Variants in CHST3 observed in about 807,000 individuals in gnomAD.
The protein encoded by CHST3 is C6ST-1.
In CHST3, 20 loss-of-function variants were observed where a neutral mutation model predicts 35.4. The ratio of observed to expected loss-of-function variants is 0.57; its 90% CI spans 0.40 to 0.82. CHST3 has a LOEUF of 0.82. Ranked by LOEUF, CHST3 falls within the 40% of genes least tolerant of loss-of-function variation. The pLI is 0.00. For missense variants in CHST3, 693 were observed against 670.1 expected, an observed-to-expected ratio of 1.03 and a Z score of -0.38; for synonymous variants, 334 against 295.9, an observed-to-expected ratio of 1.13 and a Z score of -1.32.
intron 1 of CHST3, among the ~76,000 whole-genome samples, chr10:71,987,612 AGGCTGAGGCAGGAGAAT>A (rs1476362080): frequency 6.7e-6 from 1 of 148,788 alleles, no homozygotes. Context: ...ACTACTCGGG[AGGCTGAGGCAGGAGAAT>A]GGCTTGAACC....
At chr10:71,965,311 C>G (rs1278121695) in intron 1 of CHST3, among the ~76,000 whole-genome samples, 1 of 152,150 alleles carries the variant, frequency 6.6e-6, no homozygotes, top group Non-Finnish European at 1.5e-5. Context: ...GGGAGTGATT[C>G]ATAAACTCAG....
At chr10:71,979,081 G>A (rs761787441) in intron 1 of CHST3, among the ~76,000 whole-genome samples, 2 of 152,068 alleles carry the variant, frequency 1.3e-5, no homozygotes, top group Admixed American at 6.6e-5. Context: ...GCCATACAGC[G>A]ATAGCGCACA....
At chr10:71,981,758 G>A (rs566416764) in intron 1 of CHST3, among the ~76,000 whole-genome samples, 3 of 152,238 alleles carry the variant, frequency 2.0e-5, no homozygotes. Flanking sequence ...AAGTAGCTGT[G>A]GGGAATAAGA....
In CHST3 at chr10:72,008,284, A is replaced by C. The variant is rs1252780163; in HGVS notation, c.1253A>C (p.Gln418Pro). 4.4e-6 allele frequency: 7 copies of C among 1,586,590 alleles called. No homozygotes were observed. The highest frequency in any genetic ancestry group is 5.1e-6 in the Non-Finnish European group (6 of 1,166,992). ...AHDGSGIYST[Q>P]KNSSEQFEKW... The stretch of plus-strand genomic sequence containing the variant: ...GACGGCAGCGGCATCTACTCCACGC[A>C]GAAGAACTCCTCGGAGCAGTTCGAG... The change falls in exon 3 of 3, where the codon CAG becomes CCG. Residue 418 changes from glutamine (Q) to proline (P), a missense_variant. Transcript: ENST00000373115.
chr10:72,008,152 T>C lies in CHST3; in HGVS notation c.1121T>C (p.Val374Ala), dbSNP rs1308918782. 15 of 1,548,538 alleles carry C rather than the reference T, an allele frequency of 9.7e-6. No individual in the cohort carries two copies. Among genetic ancestry groups the C allele is most frequent in the Non-Finnish European group, 1.3e-5 (15 of 1,146,470 alleles). ...GRYMLVRYEDVARGPLQKARE... is the reference protein window; with the variant it reads ...GRYMLVRYEDAARGPLQKARE... ...TACATGCTGGTGCGCTACGAGGACGTGGCACGCGGGCCGCTGCAGAAGGCC... is the reference window on the plus strand; with the variant it reads ...TACATGCTGGTGCGCTACGAGGACGCGGCACGCGGGCCGCTGCAGAAGGCC... Residue 374 changes from valine (V) to alanine (A), a missense_variant, in exon 3 of 3, where the codon GTG becomes GCG. Physicochemically the swap from Val to Ala is moderately conservative, Grantham distance 64 (BLOSUM62 0). Coordinates refer to ENST00000373115, the MANE Select transcript of CHST3 (RefSeq NM_004273.5).
intron 1 of CHST3, among the ~76,000 whole-genome samples, chr10:71,978,228 G>A (rs188469135): frequency 2.0e-5 from 3 of 152,166 alleles, no homozygotes; most frequent in Non-Finnish European, 2.9e-5. Flanking sequence ...TTAGCTGGAC[G>A]TGGTGGCAGG....
intron 1 of CHST3, among the ~76,000 whole-genome samples, chr10:71,990,310 G>C (rs1839885463): frequency 6.6e-6 from 1 of 152,114 alleles, no homozygotes; most frequent in Non-Finnish European, 1.5e-5. Context: ...GCACCTACCT[G>C]TGGCGTCCTT....
At chr10:71,968,676 T>C (rs1022062965) in intron 1 of CHST3, among the ~76,000 whole-genome samples, 1 of 152,138 alleles carries the variant, frequency 6.6e-6, no homozygotes, top group African/African-American at 2.4e-5. Flanking sequence ...CCAGGGCCTC[T>C]GCTTGCATTC....
intron 1 of CHST3, among the ~76,000 whole-genome samples, chr10:71,982,976 C>A (rs754246165): frequency 6.6e-6 from 1 of 152,250 alleles, no homozygotes; most frequent in Non-Finnish European, 1.5e-5. Context: ...ACACTGCCCC[C>A]TCTTGGCAGT....
At chr10:71,985,994 G>T (rs1839843873) in intron 1 of CHST3, among the ~76,000 whole-genome samples, 1 of 152,120 alleles carries the variant, frequency 6.6e-6, no homozygotes, top group African/African-American at 2.4e-5. Context: ...TTTTGTGATT[G>T]GCTGTTTTCA....
Position 72,007,696 on chromosome 10 carries a change from G to A in CHST3, c.665G>A (p.Arg222Gln), listed in dbSNP as rs1437776489. Reference sequence around the variant, plus strand: ...CACCTGACTCAGTTCATGTTCCGCCGGGGCTCCAGCCGCTCCCTGTGCGAG... The same window carrying A: ...CACCTGACTCAGTTCATGTTCCGCCAGGGCTCCAGCCGCTCCCTGTGCGAG... ...EDHLTQFMFRRGSSRSLCEDP... is the reference protein window; with the variant it reads ...EDHLTQFMFRQGSSRSLCEDP... The change falls in exon 3 of 3, where the codon CGG becomes CAG. Residue 222 changes from arginine (R) to glutamine (Q), a missense_variant. Transcript: ENST00000373115. 1.2e-6 allele frequency: 2 copies of A among 1,607,224 alleles called. No homozygotes were observed. The highest frequency in any genetic ancestry group is 2.7e-5 in the African/African-American group (2 of 74,902).
At chr10:71,997,192 C>A (rs1282152999) in intron 1 of CHST3, among the ~76,000 whole-genome samples, 1 of 152,074 alleles carries the variant, frequency 6.6e-6, no homozygotes, top group Non-Finnish European at 1.5e-5. Flanking sequence ...CGAAACTGTC[C>A]CCATTAAACA....
chr10:71,997,888 G>A (rs925535244), intron 1 of CHST3, among the ~76,000 whole-genome samples: 6 of 152,060 alleles, frequency 3.9e-5, no homozygotes, highest in Non-Finnish European at 7.4e-5. Flanking sequence ...GGCTGGTCTT[G>A]AACTCCTGAC....
At chr10:71,985,236 A>G (rs1195500765) in intron 1 of CHST3, among the ~76,000 whole-genome samples, 1 of 152,222 alleles carries the variant, frequency 6.6e-6, no homozygotes, top group East Asian at 1.9e-4. Context: ...CTGTAGCAGC[A>G]CTGCTTGGGC....
chr10:71,977,863 T>A (rs1839761636), intron 1 of CHST3, among the ~76,000 whole-genome samples: 1 of 152,112 alleles, frequency 6.6e-6, no homozygotes, highest in East Asian at 1.9e-4. Flanking sequence ...AGAGACAGGG[T>A]TTCATCATGT....
intron 1 of CHST3, among the ~76,000 whole-genome samples, chr10:71,987,609 G>A (rs139885506): frequency 1.2e-4 from 18 of 151,258 alleles, no homozygotes; most frequent in African/African-American, 2.9e-4. Flanking sequence ...CCAACTACTC[G>A]GGAGGCTGAG....
At chr10:71,970,387 G>A (rs1423506428) in intron 1 of CHST3, among the ~76,000 whole-genome samples, 1 of 152,152 alleles carries the variant, frequency 6.6e-6, no homozygotes, top group Non-Finnish European at 1.5e-5. Flanking sequence ...AAATAAACAA[G>A]CCAGTTCCCA....
At position 72,008,210 on chromosome 10, in the gene CHST3, G is replaced by A; in HGVS notation, c.1179G>A (p.Leu393=). 6.4e-7 allele frequency: 1 copy of A among 1,553,328 alleles called. No individual in the cohort carries two copies. The highest frequency in any genetic ancestry group is 8.7e-7 in the Non-Finnish European group (1 of 1,148,562). The change falls in exon 3 of 3, where the codon CTG becomes CTA. Residue 393 remains leucine (L), a synonymous_variant. Coordinates refer to ENST00000373115, the MANE Select transcript of CHST3 (RefSeq NM_004273.5). ...TGTACCGCTTCGCCGGCATCCCCCT[G>A]ACCCCGCAGGTGGAAGACTGGATCC... ...REMYRFAGIP[L]TPQVEDWIQK...
intron 1 of CHST3, among the ~76,000 whole-genome samples, chr10:71,983,269 C>G (rs1227277362): frequency 6.6e-6 from 1 of 152,194 alleles, no homozygotes; most frequent in South Asian, 2.1e-4. Flanking sequence ...ATGCAGCAAC[C>G]CAGCTCCCAT....
Sources: allele counts gnomAD v4.1 joint callset (sites outside exome capture counted in the v4.1 genomes callset), GRCh38; gene constraint gnomAD v4.1.1; transcripts MANE v1.5; gene names NCBI Gene and HGNC (gene_info 2026-07-23, HGNC 2026-07-21).